DMD: variants seen among roughly 807,000 people sequenced by gnomAD.
DMD encodes the protein dystrophin, also known as mutant dystrophin.
DMD carries 63 observed loss-of-function variants against 330.1 expected under a neutral mutation model. The observed-to-expected ratio is 0.19, with a 90% confidence interval of 0.16 to 0.24. The LOEUF (loss-of-function observed/expected upper bound fraction) is 0.24. Among genes scored for constraint, DMD ranks in the 10% least tolerant of loss-of-function variants. The probability of loss-of-function intolerance (pLI) is 1.00; values close to 1 mark genes in which losing one functional copy is unlikely to be tolerated. For missense variants in DMD, 3,344 were observed against 2,684.1 expected, an observed-to-expected ratio of 1.25 and a Z score of -5.43; for synonymous variants, 1,223 against 959.8, an observed-to-expected ratio of 1.27 and a Z score of -5.07.
Position 33,009,123 on chromosome X carries a change from CGTATATATGTATATATAT to C in DMD, c.93+10998_93+11015del. Among the ~76,000 whole-genome samples, 2 of 21,295 alleles carry C rather than the reference CGTATATATGTATATATAT, an allele frequency of 9.4e-5. 1 individual carries two copies. Among genetic ancestry groups the C allele is most frequent in the Non-Finnish European group, 1.7e-4 (2 of 12,107 alleles). The allele number at this position is 21,295 out of a possible 115,157, so 18.5% of individuals were successfully genotyped here. On this transcript the variant is annotated intron_variant, in intron 2 of 78. Transcript: ENST00000357033. The stretch of plus-strand genomic sequence containing the variant: ...ATATGTATATATATGTGTATATATA[CGTATATATGTATATATAT>C]GTGTATATATACGTATATATGTATA...
chrX:32,755,428 T>A (rs1357196340), intron 7 of DMD, among the ~76,000 whole-genome samples: 4 of 111,697 alleles, frequency 3.6e-5, no homozygotes, highest in Non-Finnish European at 7.5e-5. Context: ...AGCTGTATTC[T>A]AAATCTTTTT....
chrX:32,167,607 G>A (rs1367240899), intron 44 of DMD, among the ~76,000 whole-genome samples: 1 of 112,223 alleles, frequency 8.9e-6, no homozygotes, highest in East Asian at 2.8e-4. Flanking sequence ...ACACATCATC[G>A]TAAACCAACG....
chrX:31,602,691 T>C (rs2077426592), intron 55 of DMD, among the ~76,000 whole-genome samples: 2 of 111,929 alleles, frequency 1.8e-5, no homozygotes, highest in Admixed American at 1.9e-4. Flanking sequence ...ATGCTGAATC[T>C]GGAAGGGGGA....
intron 55 of DMD, among the ~76,000 whole-genome samples, chrX:31,537,269 G>A (rs2073477475): frequency 1.8e-5 from 2 of 111,312 alleles, no homozygotes; most frequent in Admixed American, 9.6e-5. Context: ...GACATCACAC[G>A]AACCTAGTCT....
chrX:32,465,770 G>C, intron 23 of DMD, among the ~76,000 whole-genome samples: 1 of 109,568 alleles, frequency 9.1e-6, no homozygotes, highest in East Asian at 2.9e-4. Context: ...GTTTTTAGTA[G>C]AGACAGGGTT....
chrX:32,769,870 T>C (rs2073415107), intron 7 of DMD, among the ~76,000 whole-genome samples: 1 of 110,195 alleles, frequency 9.1e-6, no homozygotes, highest in South Asian at 3.8e-4. Flanking sequence ...ATCTTTGAAA[T>C]ATAAACCAGC....
At chrX:32,635,554 T>C (rs2059038359) in intron 11 of DMD, among the ~76,000 whole-genome samples, 1 of 112,132 alleles carries the variant, frequency 8.9e-6, no homozygotes, top group Admixed American at 9.5e-5. Flanking sequence ...CATGATATAT[T>C]ATAATCCAAG....
chrX:31,230,435 T>C (rs967733491), intron 63 of DMD, among the ~76,000 whole-genome samples: 1 of 110,293 alleles, frequency 9.1e-6, no homozygotes, highest in African/African-American at 3.3e-5. Flanking sequence ...GATCACGAGG[T>C]CAGGAGTTCG....
intron 60 of DMD, among the ~76,000 whole-genome samples, chrX:31,350,021 T>C (rs2058307084): frequency 2.7e-5 from 3 of 111,612 alleles, no homozygotes; most frequent in Non-Finnish European, 3.8e-5. Context: ...TTGCCCATTT[T>C]TGCTTGGCCC....
chrX:31,977,764 G>T (rs1215913829), intron 44 of DMD, among the ~76,000 whole-genome samples: 2 of 99,022 alleles, frequency 2.0e-5, no homozygotes, highest in Non-Finnish European at 4.0e-5. Context: ...CTCTCTTGTT[G>T]ACTGGGCACG....
chrX:31,828,648 A>G (rs1278925073), intron 49 of DMD, among the ~76,000 whole-genome samples: 2 of 90,393 alleles, frequency 2.2e-5, no homozygotes, highest in East Asian at 7.2e-4. Flanking sequence ...TAGGTGAAAG[A>G]GCAAAACTCC....
At chrX:32,176,832 T>G (rs1479825445) in intron 44 of DMD, among the ~76,000 whole-genome samples, 1 of 111,477 alleles carries the variant, frequency 9.0e-6, no homozygotes, top group Non-Finnish European at 1.9e-5. Flanking sequence ...CTCACTTGGA[T>G]TTTTCAAAGG....
chrX:31,484,167 G>C (rs1001609263), intron 57 of DMD, among the ~76,000 whole-genome samples: 3 of 111,327 alleles, frequency 2.7e-5, no homozygotes, highest in Non-Finnish European at 3.8e-5. Flanking sequence ...AATGTCAAGA[G>C]CCTTGATTTT....
At chrX:32,312,292 C>A (rs1304298290) in intron 41 of DMD, among the ~76,000 whole-genome samples, 1 of 111,261 alleles carries the variant, frequency 9.0e-6, no homozygotes, top group Non-Finnish European at 1.9e-5. Context: ...GTCCTCATCA[C>A]TTTTTCTTAA....
intron 52 of DMD, among the ~76,000 whole-genome samples, chrX:31,705,242 TGGTG>T (rs2084095254): frequency 8.9e-6 from 1 of 112,734 alleles, no homozygotes; most frequent in Admixed American, 9.3e-5. Flanking sequence ...CACAGCCTGA[TGGTG>T]GGTGGTAGAT....
At chrX:32,634,551 T>A in intron 11 of DMD, among the ~76,000 whole-genome samples, 1 of 111,830 alleles carries the variant, frequency 8.9e-6, no homozygotes, top group Middle Eastern at 4.7e-3. Flanking sequence ...GGTCAGCATG[T>A]CATGAATTCT....
intron 61 of DMD, among the ~76,000 whole-genome samples, chrX:31,340,218 A>T (rs1238505496): frequency 8.9e-6 from 1 of 112,521 alleles, no homozygotes; most frequent in Non-Finnish European, 1.9e-5. Flanking sequence ...AAAGCCTGCA[A>T]GAAATAATGG....
chrX:33,095,976 T>C (rs2095153738), intron 1 of DMD, among the ~76,000 whole-genome samples: 1 of 80,152 alleles, frequency 1.2e-5, no homozygotes, highest in Non-Finnish European at 2.4e-5. Context: ...TTTTTTTTTT[T>C]TTTTTTTTTT....
intron 45 of DMD, among the ~76,000 whole-genome samples, chrX:31,940,643 A>C (rs1044520788): frequency 9.2e-6 from 1 of 108,456 alleles, no homozygotes; most frequent in African/African-American, 3.4e-5. Context: ...GTTTGCATGA[A>C]CGGAAAGTTT....
Sources: gnomAD v4.1 joint callset for allele counts (sites outside exome capture counted in the v4.1 genomes callset) on GRCh38, gnomAD v4.1.1 for gene constraint, MANE v1.5 for transcripts, NCBI Gene and HGNC (gene_info 2026-07-23, HGNC 2026-07-21) for gene names.